Variants in PEAR1 observed in about 807,000 individuals in gnomAD.
PEAR1 encodes platelet endothelial aggregation receptor 1, also known as multiple EGF-like domains protein 12.
PEAR1 carries 113 observed loss-of-function variants against 131.2 expected under a neutral mutation model. That is an observed-to-expected ratio of 0.86 (90% CI 0.74 to 1.01). The LOEUF (loss-of-function observed/expected upper bound fraction) is 1.01. Ranked by LOEUF, PEAR1 falls within the 50% of genes least tolerant of loss-of-function variation. The pLI is 0.00. For synonymous variants in PEAR1, 565 were observed against 523.3 expected (o/e 1.08, Z -1.09); for missense variants, 1,408 against 1,391.1 (o/e 1.01, Z -0.19).
rs1436256125 is a variant in PEAR1 at position 156,902,933 on chromosome 1, G to A, written c.-9-985G>A. ...ACAGGGCAGTCTGAGGGAGGCGGGA[G>A]CTTTTCCTTAAATGCAAGGCCAGGT... On this transcript the variant is annotated intron_variant, in intron 1 of 22. Transcript: ENST00000292357. This position sits in a 1 kb window ranked among gnomAD's most constrained non-coding sequence, Gnocchi z 4.3. Among the ~76,000 whole-genome samples, 2 of 152,126 alleles carry A rather than the reference G, an allele frequency of 1.3e-5. No homozygotes were observed. The highest frequency in any genetic ancestry group is 2.9e-5 in the Non-Finnish European group (2 of 68,028).
chr1:156,907,926 C>T lies in PEAR1; in HGVS notation c.777C>T (p.Cys259=), dbSNP rs1371562558. ...SCPPGWMGTI[C]SLPCPEGFHG... is the part of the protein sequence containing the mutation. ...TCTTATCCCCACAGGGCACCATCTG[C>T]TCCCTGCCCTGCCCAGAGGGCTTTC... is the stretch of plus-strand genomic sequence containing the variant. The change falls in exon 8 of 23, where the codon TGC becomes TGT. Residue 259 remains cysteine (C), a synonymous_variant. Transcript: ENST00000292357. 6.3e-7 allele frequency: 1 copy of T among 1,593,434 alleles called. No homozygotes were observed. Among genetic ancestry groups the T allele is most frequent in the Non-Finnish European group, 8.6e-7 (1 of 1,169,012 alleles).
Position 156,908,815 on chromosome 1 carries a change from G to A in PEAR1, c.1276G>A (p.Ala426Thr). 2.5e-6 allele frequency: 4 copies of A among 1,606,880 alleles called. No individual in the cohort carries two copies. Among genetic ancestry groups the A allele is most frequent in the Non-Finnish European group, 3.4e-6 (4 of 1,179,354 alleles). ...GGCTACCAGCGGCCTCTGTCAGTGCGCGCCGGGTTACACGGTGAGGCGCGC... is the reference window on the plus strand; with the variant it reads ...GGCTACCAGCGGCCTCTGTCAGTGCACGCCGGGTTACACGGTGAGGCGCGC... ...CQATSGLCQC[A>T]PGYTGPHCAS... Residue 426 changes from alanine to threonine, a missense_variant, in exon 10 of 23, where the codon GCG (alanine) becomes ACG (threonine). Ala to Thr is a moderately conservative substitution (Grantham distance 58). Transcript: ENST00000292357. The surrounding 1 kb of genome is among the most constrained non-coding windows in gnomAD (Gnocchi z 4.2).
rs375862363 is a variant in PEAR1, at chr1:156,912,511, T to C, written c.2098T>C (p.Phe700Leu). Residue 700 changes from phenylalanine (F) to leucine (L), a missense_variant, in exon 17 of 23, where the codon TTT becomes CTT. By Grantham distance (22) the Phe-to-Leu change is conservative. Transcript: ENST00000292357. Reference sequence around the variant, plus strand: ...CTCCCCAGGCTGCCCTCTGGGGACATTTGGTGCTAACTGCTCCCAGCCATG... The same window carrying C: ...CTCCCCAGGCTGCCCTCTGGGGACACTTGGTGCTAACTGCTCCCAGCCATG... ...HCLEGCPLGTFGANCSQPCQC... is the reference protein window; with the variant it reads ...HCLEGCPLGTLGANCSQPCQC... 6.2e-7 allele frequency: 1 copy of C among 1,613,594 alleles called. No homozygotes were observed. Among genetic ancestry groups the C allele is most frequent in the Non-Finnish European group, 8.5e-7 (1 of 1,179,914 alleles).
At position 156,913,490 on chromosome 1, in the gene PEAR1, C is replaced by G. The variant is rs200413468; in HGVS notation, c.2611C>G (p.Arg871Gly). The change falls in exon 20 of 23, where the codon CGC becomes GGC. Residue 871 changes from arginine to glycine, a missense_variant. By Grantham distance (125) the Arg-to-Gly change is moderately radical (BLOSUM62 -2). Coordinates refer to ENST00000292357, the MANE Select transcript of PEAR1 (RefSeq NM_001080471.3). Reference sequence around the variant, plus strand: ...CACCCTGCCTGCTGACTGGAAGCACCGCCGGGAGCCCCCTCCAGGGCCTCT... The same window carrying G: ...CACCCTGCCTGCTGACTGGAAGCACGGCCGGGAGCCCCCTCCAGGGCCTCT... ...HTTLPADWKH[R>G]REPPPGPLDR... 6.2e-7 allele frequency: 1 copy of G among 1,613,150 alleles called. No homozygotes were observed. Among genetic ancestry groups the G allele is most frequent in the Non-Finnish European group, 8.5e-7 (1 of 1,180,004 alleles).
rs1199128818 is a variant in PEAR1, at chr1:156,908,603, G to GCCCTGC, written c.1116-43_1116-38dup. 4.8e-6 allele frequency: 7 copies of GCCCTGC among 1,457,606 alleles called. No individual in the cohort carries two copies. Among genetic ancestry groups the GCCCTGC allele is most frequent in the Non-Finnish European group, 6.4e-6 (7 of 1,101,406 alleles). The allele number at this position is 1,457,606 out of a possible 1,614,324, so 90.3% of individuals were successfully genotyped here. A position where few individuals can be genotyped will look rare whatever the true frequency, so the allele number is the denominator to read the frequency against. Reference sequence around the variant, plus strand: ...GACCACGCGGAGGGGTCGGGAAGCTGCCCTGCCCCTGCCCAGCTCAGACCG... The same window carrying GCCCTGC: ...GACCACGCGGAGGGGTCGGGAAGCTGCCCTGCCCCTGCCCCTGCCCAGCTCAGACCG... On this transcript the variant is annotated intron_variant, in intron 9 of 22. Coordinates refer to ENST00000292357, the MANE Select transcript of PEAR1 (RefSeq NM_001080471.3). This position sits in a 1 kb window ranked among gnomAD's most constrained non-coding sequence, Gnocchi z 4.2.
At position 156,904,828 on chromosome 1, in the gene PEAR1, G is replaced by A; in HGVS notation, c.182G>A (p.Gly61Asp). The change falls in exon 3 of 23, where the codon GGC becomes GAC. Residue 61 changes from glycine (G) to aspartate (D), a missense_variant. By Grantham distance (94) the Gly-to-Asp change is moderately conservative. Transcript: ENST00000292357. ...GAGCCCTGCGAGCGGCCCTGGGAGG[G>A]CCCCCATACTTGCCCCCAGCCCACG... is the stretch of plus-strand genomic sequence containing the variant. ...PSEPCERPWE[G>D]PHTCPQPTVV... is the part of the protein sequence containing the mutation. 6.2e-7 allele frequency: 1 copy of A among 1,613,810 alleles called. No homozygotes were observed. The highest frequency in any genetic ancestry group is 8.5e-7 in the Non-Finnish European group (1 of 1,179,858).
At position 156,908,090 on chromosome 1, in the gene PEAR1, G is replaced by T; in HGVS notation, c.903-38G>T. On this transcript the variant is annotated intron_variant, in intron 8 of 22. Transcript: ENST00000292357. The surrounding 1 kb of genome is among the most constrained non-coding windows in gnomAD (Gnocchi z 4.2). Reference sequence around the variant, plus strand: ...GGCGGGCGGGAGACGGGAGGGAGGAGGTGGGGCGCCGCCAGGCTCACTCAG... The same window carrying T: ...GGCGGGCGGGAGACGGGAGGGAGGATGTGGGGCGCCGCCAGGCTCACTCAG... The T allele has an allele frequency of 6.4e-7, 1 of 1,574,102 alleles. No individual in the cohort carries two copies. Among genetic ancestry groups the T allele is most frequent in the South Asian group, 1.2e-5 (1 of 86,496 alleles).
At chr1:156,899,421 C>T (rs889123197) in intron 1 of PEAR1, among the ~76,000 whole-genome samples, 1 of 151,984 alleles carries the variant, frequency 6.6e-6, no homozygotes, top group Admixed American at 6.6e-5. Flanking sequence ...GCGGGCAGCC[C>T]ATCGTTTTGG....
At chr1:156,906,608 G>T (rs370649710) in intron 5 of PEAR1, 29 bp from the exon 6 acceptor site, 4 of 1,613,394 alleles carry the variant, frequency 2.5e-6, no homozygotes, top group South Asian at 1.1e-5. Context: ...GACCCCTGGT[G>T]ACCCCCTTCC....
chr1:156,910,205 C>A, intron 13 of PEAR1, 29 bp from the exon 14 acceptor site: 1 of 1,610,324 alleles, frequency 6.2e-7, no homozygotes, highest in Non-Finnish European at 8.5e-7. Flanking sequence ...GGGGCCCAGC[C>A]AGGCACACCC....
intron 1 of PEAR1, among the ~76,000 whole-genome samples, chr1:156,896,527 C>CG (rs1205694130): frequency 6.6e-6 from 1 of 152,210 alleles, no homozygotes; most frequent in Non-Finnish European, 1.5e-5. Context: ...CGACAGCCTG[C>CG]GGGAGGGGTT....
At chr1:156,905,748 G>C (rs1169161533) in intron 4 of PEAR1, among the ~76,000 whole-genome samples, 1 of 152,064 alleles carries the variant, frequency 6.6e-6, no homozygotes, top group Admixed American at 6.5e-5. Flanking sequence ...CTCTGTCACT[G>C]TGTGTCTCAG....
intron 1 of PEAR1, among the ~76,000 whole-genome samples, chr1:156,899,793 A>T (rs530204442): frequency 6.6e-6 from 1 of 151,326 alleles, no homozygotes; most frequent in Admixed American, 6.6e-5. Flanking sequence ...GCAGGCTGGG[A>T]TTCACACCCA....
intron 1 of PEAR1, among the ~76,000 whole-genome samples, chr1:156,895,957 C>T (rs1369635878): frequency 6.6e-6 from 1 of 152,124 alleles, no homozygotes; most frequent in Non-Finnish European, 1.5e-5. Context: ...TGGTGCCCGC[C>T]CATGGGCCCA....
In PEAR1 at chr1:156,912,857, C is replaced by T. The variant is rs758360516; in HGVS notation, c.2297C>T (p.Ser766Phe). The change falls in exon 18 of 23, where the codon TCC becomes TTC. Residue 766 changes from serine to phenylalanine, a missense_variant. By Grantham distance (155) the Ser-to-Phe change is radical (BLOSUM62 -2). Coordinates refer to ENST00000292357, the MANE Select transcript of PEAR1 (RefSeq NM_001080471.3). Reference protein sequence around the residue: ...GAVIGIAVLGSLVVALVALFI... With the variant: ...GAVIGIAVLGFLVVALVALFI... ...GTGATTGGCATTGCAGTGCTGGGGT[C>T]CCTTGTGGTAGCCCTGGTGGCACTG... 6.2e-7 allele frequency: 1 copy of T among 1,614,236 alleles called. No homozygotes were observed. Among genetic ancestry groups the T allele is most frequent in the Non-Finnish European group, 8.5e-7 (1 of 1,180,042 alleles).
At chr1:156,911,370 C>G (rs954991647) in intron 15 of PEAR1, among the ~76,000 whole-genome samples, 1 of 150,558 alleles carries the variant, frequency 6.6e-6, no homozygotes, top group Non-Finnish European at 1.5e-5. Flanking sequence ...CAACCTCTGC[C>G]TCTGGTTTAG....
intron 1 of PEAR1, among the ~76,000 whole-genome samples, chr1:156,897,957 C>G (rs1192179072): frequency 6.6e-6 from 1 of 152,024 alleles, no homozygotes; most frequent in Non-Finnish European, 1.5e-5. Context: ...GGCCAGAGCA[C>G]TTTCTGAAGG....
Position 156,909,880 on chromosome 1 carries a change from G to A in PEAR1, c.1541G>A (p.Gly514Glu). Reference protein sequence around the residue: ...PQTGACTCTPGWHGAHCQLPC... With the variant: ...PQTGACTCTPEWHGAHCQLPC... The stretch of plus-strand genomic sequence containing the variant: ...ACTGGAGCCTGTACCTGCACCCCTG[G>A]GTGGCATGGGGCCCACTGCCAGCTG... The change falls in exon 12 of 23, where the codon GGG becomes GAG. Residue 514 changes from glycine (G) to glutamate (E), a missense_variant. Gly to Glu is a moderately conservative substitution (Grantham distance 98). Coordinates refer to ENST00000292357, the MANE Select transcript of PEAR1 (RefSeq NM_001080471.3). The A allele has an allele frequency of 6.2e-7, 1 of 1,610,236 alleles. No individual in the cohort carries two copies. Among genetic ancestry groups the A allele is most frequent in the Non-Finnish European group, 8.5e-7 (1 of 1,177,162 alleles).
At position 156,908,028 on chromosome 1, in the gene PEAR1, C is replaced by T. The variant is rs761380660; in HGVS notation, c.879C>T (p.Cys293=). The T allele has an allele frequency of 1.1e-5, 18 of 1,567,822 alleles. No homozygotes were observed. Among genetic ancestry groups the T allele is most frequent in the African/African-American group, 4.1e-5 (3 of 73,646 alleles). Residue 293 remains cysteine, a synonymous_variant, in exon 8 of 23, where the codon TGC becomes TGT. Coordinates refer to ENST00000292357, the MANE Select transcript of PEAR1 (RefSeq NM_001080471.3). The surrounding 1 kb of genome is among the most constrained non-coding windows in gnomAD (Gnocchi z 4.2). ...ACCGATTCACTGGGCAGTGCCGCTG[C>T]GCTCCGGGTTACACTGGGGATCGGT... is the stretch of plus-strand genomic sequence containing the variant. The part of the protein sequence containing the change: ...LCDRFTGQCR[C]APGYTGDRCR...
Sources: allele counts gnomAD v4.1 joint callset (sites outside exome capture counted in the v4.1 genomes callset), GRCh38; gene constraint gnomAD v4.1.1; non-coding constraint Gnocchi (gnomAD v3.1); transcripts MANE v1.5; gene names NCBI Gene and HGNC (gene_info 2026-07-23, HGNC 2026-07-21).